Variants in KANK1 observed in about 807,000 individuals in gnomAD.
KANK1 encodes the protein KN motif and ankyrin repeat domain-containing protein 1.
A neutral mutation model predicts 106.2 loss-of-function variants in KANK1; 109 were observed. That is an observed-to-expected ratio of 1.03 (90% confidence interval 0.88 to 1.20). The LOEUF (loss-of-function observed/expected upper bound fraction) is 1.20, where lower values mean the gene tolerates loss of function less well. KANK1 is among the 50% of genes most tolerant of loss of function. KANK1 has a pLI of 0.00. For synonymous variants in KANK1, 873 were observed against 652.2 expected, an observed-to-expected ratio of 1.34 and a Z score of -5.16; for missense variants, 2,399 against 1,710.7, an observed-to-expected ratio of 1.40 and a Z score of -7.10.
At position 606,917 on chromosome 9, in the gene KANK1, G is replaced by A. The variant is rs145731429; in HGVS notation, c.-83-69973G>A. 2.6e-5 allele frequency among the ~76,000 whole-genome samples: 4 copies of A among 151,792 alleles called. No homozygotes were observed. In the East Asian group the frequency reaches 7.7e-4, roughly 29 times the overall value. ...GAAGGTTTAGAATGAGATAAGGCAGGCTACTGAGTTGGCTTAAAAACTAAG... is the reference window on the plus strand; with the variant it reads ...GAAGGTTTAGAATGAGATAAGGCAGACTACTGAGTTGGCTTAAAAACTAAG... On this transcript the variant is annotated intron_variant, in intron 1 of 11. Coordinates refer to ENST00000382297, the MANE Select transcript of KANK1 (RefSeq NM_015158.5).
intron 3 of KANK1, among the ~76,000 whole-genome samples, chr9:726,039 T>G (rs1289749539): frequency 6.6e-6 from 1 of 152,242 alleles, no homozygotes; most frequent in Non-Finnish European, 1.5e-5. Context: ...TAAATGGGTT[T>G]CCTGTATATC....
chr9:707,205 C>T (rs1824528328), intron 2 of KANK1: 33 of 986,144 alleles, frequency 3.3e-5, no homozygotes, highest in Non-Finnish European at 3.9e-5. Flanking sequence ...GCGAGCTGTG[C>T]GGGGCAGCGC....
intron 2 of KANK1, among the ~76,000 whole-genome samples, chr9:686,128 A>G (rs1818492445): frequency 6.6e-6 from 1 of 152,172 alleles, no homozygotes; most frequent in Non-Finnish European, 1.5e-5. Flanking sequence ...CATGTGCATC[A>G]GCTCTTACTT....
chr9:608,360 T>G (rs2136072514), intron 1 of KANK1, among the ~76,000 whole-genome samples: 1 of 152,012 alleles, frequency 6.6e-6, no homozygotes, highest in African/African-American at 2.4e-5. Flanking sequence ...ATTTGTTGTA[T>G]AGCACATTCT....
In KANK1 at chr9:734,686, G is replaced by C. The variant is rs890483395; in HGVS notation, c.3246-62G>C. 1.3e-5 allele frequency: 16 copies of C among 1,216,438 alleles called. No homozygotes were observed. In the Admixed American group the frequency reaches 2.7e-4, roughly 20 times the overall value. 75.4% of individuals were successfully genotyped at this position (1,216,438 alleles called of 1,614,324 possible). ...GTCTCAAAAAAAAAATTAGATATTT[G>C]GGTTGAAATAAAAATGATTTTCTTC... On this transcript the variant is annotated intron_variant, in intron 6 of 11. Coordinates refer to ENST00000382297, the MANE Select transcript of KANK1 (RefSeq NM_015158.5).
chr9:740,083 C>T (rs1245257834), intron 8 of KANK1, among the ~76,000 whole-genome samples: 1 of 152,140 alleles, frequency 6.6e-6, no homozygotes, highest in Non-Finnish European at 1.5e-5. Flanking sequence ...ATAAAAGCTG[C>T]TTTCTAACAC....
chr9:686,024 G>A (rs1818470676), intron 2 of KANK1, among the ~76,000 whole-genome samples: 1 of 152,128 alleles, frequency 6.6e-6, no homozygotes. Context: ...GGAAGAAAGG[G>A]GGAAGAATAT....
At chr9:551,885 A>G (rs1004702122) in intron 1 of KANK1, among the ~76,000 whole-genome samples, 1 of 127,250 alleles carries the variant, frequency 7.9e-6, no homozygotes, top group Non-Finnish European at 1.8e-5. Flanking sequence ...TTGTTTCTAC[A>G]AAAAAAAAAA....
intron 2 of KANK1, among the ~76,000 whole-genome samples, chr9:690,322 A>G (rs917035643): frequency 2.0e-5 from 3 of 151,504 alleles, no homozygotes; most frequent in African/African-American, 7.3e-5. Flanking sequence ...AAGAAAAAAA[A>G]AAAAAAGGCT....
intron 1 of KANK1, among the ~76,000 whole-genome samples, chr9:650,141 A>G (rs559923200): frequency 2.0e-5 from 3 of 152,326 alleles, no homozygotes; most frequent in East Asian, 1.9e-4. Flanking sequence ...TGCAATCCCA[A>G]TATTTTCATT....
intron 10 of KANK1, among the ~76,000 whole-genome samples, chr9:743,544 C>T (rs961507862): frequency 2.6e-5 from 4 of 152,200 alleles, no homozygotes; most frequent in African/African-American, 9.6e-5. Flanking sequence ...CCTGCTGCTG[C>T]TGCTGACCAG....
intron 1 of KANK1, among the ~76,000 whole-genome samples, chr9:580,376 T>C (rs1821753053): frequency 6.6e-6 from 1 of 152,174 alleles, no homozygotes; most frequent in African/African-American, 2.4e-5. Context: ...GCTTCCACAC[T>C]GTGGGAGGGG....
At chr9:721,975 G>C (rs187519570) in intron 3 of KANK1, among the ~76,000 whole-genome samples, 1 of 152,290 alleles carries the variant, frequency 6.6e-6, no homozygotes, top group Admixed American at 6.5e-5. Flanking sequence ...CACACCTCAG[G>C]ATTGAGGTGT....
intron 1 of KANK1, among the ~76,000 whole-genome samples, chr9:634,521 A>G (rs1014941744): frequency 6.6e-6 from 1 of 152,184 alleles, no homozygotes; most frequent in Admixed American, 6.5e-5. Context: ...TCTGAGCAGT[A>G]AGAGATTATA....
At chr9:709,170 TC>T (rs1825196868) in intron 2 of KANK1, among the ~76,000 whole-genome samples, 2 of 152,210 alleles carry the variant, frequency 1.3e-5, no homozygotes, top group African/African-American at 4.8e-5. Flanking sequence ...AGAAAACTCT[TC>T]CTACAGTTAA....
intron 2 of KANK1, chr9:681,050 C>CA (rs990007917): frequency 4.6e-5 from 7 of 151,560 alleles, no homozygotes; most frequent in African/African-American, 1.2e-4. Context: ...TCCATCTCTA[C>CA]AAAAAAAAAT....
At chr9:744,398 C>G in intron 10 of KANK1, 93 bp from the exon 11 acceptor site, 3 of 1,418,870 alleles carry the variant, frequency 2.1e-6, no homozygotes, top group South Asian at 1.4e-5. Flanking sequence ...GGGAACCTTG[C>G]CAATTATTGG....
chr9:586,787 ATAGC>A (rs1017517172), intron 1 of KANK1, among the ~76,000 whole-genome samples: 5 of 152,156 alleles, frequency 3.3e-5, no homozygotes, highest in Admixed American at 2.0e-4. Flanking sequence ...ACGAGAGCAA[ATAGC>A]TAGCCTTTAC....
intron 1 of KANK1, among the ~76,000 whole-genome samples, chr9:662,919 C>T (rs1475536954): frequency 1.3e-5 from 2 of 152,186 alleles, no homozygotes; most frequent in Non-Finnish European, 2.9e-5. Context: ...ACCTTGGCCT[C>T]CCAAAGTCCT....
Sources: allele counts gnomAD v4.1 joint callset (sites outside exome capture counted in the v4.1 genomes callset), GRCh38; gene constraint gnomAD v4.1.1; transcripts MANE v1.5; gene names NCBI Gene and HGNC (gene_info 2026-07-23, HGNC 2026-07-21).